Variants in GRIK1 observed in about 807,000 individuals in gnomAD.
GRIK1 encodes the protein glutamate ionotropic receptor kainate type subunit 1.
GRIK1 carries 69 observed loss-of-function variants against 105.7 expected under a neutral mutation model. The ratio of observed to expected loss-of-function variants is 0.65; its 90% CI spans 0.54 to 0.80. The LOEUF (loss-of-function observed/expected upper bound fraction) is 0.80. Ranked by LOEUF, GRIK1 falls within the 30% of genes least tolerant of loss-of-function variation. GRIK1 has a pLI of 0.00. For synonymous variants in GRIK1, 438 were observed against 431.3 expected, an observed-to-expected ratio of 1.02 and a Z score of -0.19; for missense variants, 1,109 against 1,167.3, an observed-to-expected ratio of 0.95 and a Z score of 0.73.
At chr21:29,560,644 C>T (rs577541950) in intron 15 of GRIK1, among the ~76,000 whole-genome samples, 106 of 147,568 alleles carry the variant, frequency 7.2e-4, no homozygotes, top group Non-Finnish European at 1.3e-3. Flanking sequence ...CTCTGTTGCC[C>T]AGGCTGGAGT....
chr21:29,837,451 T>C (rs977831800), intron 1 of GRIK1, among the ~76,000 whole-genome samples: 1 of 152,102 alleles, frequency 6.6e-6, no homozygotes, highest in Admixed American at 6.6e-5. Context: ...ATATAATAAA[T>C]ATGTGATTAT....
chr21:29,640,101 C>A (rs2062480338), intron 7 of GRIK1, among the ~76,000 whole-genome samples: 2 of 148,862 alleles, frequency 1.3e-5, no homozygotes, highest in Admixed American at 6.7e-5. Flanking sequence ...TGACTTGCTT[C>A]TTTTCATTTT....
At chr21:29,730,897 A>G (rs2064606520) in intron 1 of GRIK1, among the ~76,000 whole-genome samples, 1 of 152,224 alleles carries the variant, frequency 6.6e-6, no homozygotes, top group African/African-American at 2.4e-5. Flanking sequence ...TTCTCATCAT[A>G]TCATTCAACA....
intron 3 of GRIK1, among the ~76,000 whole-genome samples, chr21:29,678,986 CAGAT>C (rs2063324410): frequency 6.6e-6 from 1 of 152,154 alleles, no homozygotes; most frequent in Admixed American, 6.5e-5. Context: ...GGAACTATGA[CAGAT>C]AGAGTTTTTA....
intron 14 of GRIK1, among the ~76,000 whole-genome samples, chr21:29,563,482 C>G (rs2090535067): frequency 6.6e-6 from 1 of 152,118 alleles, no homozygotes; most frequent in African/African-American, 2.4e-5. Context: ...TCATATTGGG[C>G]CCCTGTGAGT....
chr21:29,774,139 T>C (rs2065882853), intron 1 of GRIK1, among the ~76,000 whole-genome samples: 1 of 152,194 alleles, frequency 6.6e-6, no homozygotes, highest in African/African-American at 2.4e-5. Flanking sequence ...CTGCAGAGAA[T>C]TATAATATCC....
chr21:29,550,280 C>A (rs182115100), intron 16 of GRIK1, among the ~76,000 whole-genome samples: 53 of 152,050 alleles, frequency 3.5e-4, no homozygotes, highest in African/African-American at 1.2e-3. Flanking sequence ...ATAAAATTTC[C>A]ACCTCAAAGC....
chr21:29,556,123 G>C (rs76500928), intron 15 of GRIK1, among the ~76,000 whole-genome samples: 4 of 152,138 alleles, frequency 2.6e-5, no homozygotes, highest in Admixed American at 1.3e-4. Context: ...ACATTTTGAC[G>C]TATAGAACCT....
intron 1 of GRIK1, among the ~76,000 whole-genome samples, chr21:29,883,326 T>A (rs1459917060): frequency 1.3e-5 from 2 of 151,958 alleles, no homozygotes; most frequent in African/African-American, 4.8e-5. Flanking sequence ...GGCTGGTGAG[T>A]CAAATAAAAA....
intron 1 of GRIK1, among the ~76,000 whole-genome samples, chr21:29,756,849 C>T (rs989699957): frequency 6.6e-6 from 1 of 152,266 alleles, no homozygotes; most frequent in Non-Finnish European, 1.5e-5. Flanking sequence ...CGCGGTGGCT[C>T]ACACCTGTAA....
chr21:29,797,605 G>A (rs551569598), intron 1 of GRIK1, among the ~76,000 whole-genome samples: 32 of 152,246 alleles, frequency 2.1e-4, no homozygotes, highest in African/African-American at 7.5e-4. Flanking sequence ...GTTAATCTAT[G>A]ACATATATGT....
chr21:29,855,263 AG>A (rs1299727311), intron 1 of GRIK1, among the ~76,000 whole-genome samples: 1 of 152,228 alleles, frequency 6.6e-6, no homozygotes, highest in East Asian at 1.9e-4. Flanking sequence ...CACAAATTAA[AG>A]TAGTAAAATA....
chr21:29,771,342 C>T (rs561696468), intron 1 of GRIK1, among the ~76,000 whole-genome samples: 16 of 152,236 alleles, frequency 1.1e-4, no homozygotes, highest in African/African-American at 3.6e-4. Context: ...AATAAGAAGG[C>T]CCCGATGTCT....
At chr21:29,585,576 C>G (rs2091113076) in intron 12 of GRIK1, among the ~76,000 whole-genome samples, 1 of 152,140 alleles carries the variant, frequency 6.6e-6, no homozygotes, top group African/African-American at 2.4e-5. Flanking sequence ...AATATGGAAA[C>G]TCACTTTTGC....
chr21:29,760,933 T>A lies in GRIK1; in HGVS notation c.119-66870A>T, dbSNP rs2065497104. 2.0e-5 allele frequency among the ~76,000 whole-genome samples: 3 copies of A among 152,178 alleles called. No homozygotes were observed. The South Asian group carries it at 6.2e-4, about 32-fold the overall frequency. On this transcript the variant is annotated intron_variant, in intron 1 of 17. Coordinates refer to ENST00000327783, the MANE Select transcript of GRIK1 (RefSeq NM_001330994.2). ...GACTTTCCAGACAGATTCCAAAGGA[T>A]TATGTTTGGGGACTGCAAAGGAAGA... is the stretch of plus-strand genomic sequence containing the variant.
chr21:29,560,892 G>T (rs531100970), intron 15 of GRIK1, among the ~76,000 whole-genome samples: 13 of 152,158 alleles, frequency 8.5e-5, no homozygotes, highest in African/African-American at 2.9e-4. Context: ...GAGCCATCGC[G>T]CCTGGCCATG....
intron 1 of GRIK1, among the ~76,000 whole-genome samples, chr21:29,772,460 A>G (rs1335877599): frequency 2.6e-5 from 4 of 152,186 alleles, no homozygotes; most frequent in African/African-American, 9.6e-5. Context: ...CTTACATACT[A>G]TTTCAACAGA....
intron 15 of GRIK1, among the ~76,000 whole-genome samples, chr21:29,560,891 C>T (rs575457918): frequency 6.6e-4 from 100 of 152,056 alleles, no homozygotes; most frequent in Non-Finnish European, 1.2e-3. Flanking sequence ...TGAGCCATCG[C>T]GCCTGGCCAT....
intron 1 of GRIK1, among the ~76,000 whole-genome samples, chr21:29,699,051 GC>G (rs2063764766): frequency 6.6e-6 from 1 of 152,198 alleles, no homozygotes; most frequent in Non-Finnish European, 1.5e-5. Context: ...TAATGCTGAT[GC>G]TAAACTGGTC....
Sources: gnomAD v4.1 joint callset for allele counts (sites outside exome capture counted in the v4.1 genomes callset) on GRCh38, gnomAD v4.1.1 for gene constraint, MANE v1.5 for transcripts, NCBI Gene and HGNC (gene_info 2026-07-23, HGNC 2026-07-21) for gene names.